ENTHD1: variants seen among roughly 807,000 people sequenced by gnomAD.
The protein encoded by ENTHD1 is ENTH domain-containing protein 1.
Under a neutral mutation model 39.1 loss-of-function variants are expected in ENTHD1, and 23 were observed. The ratio of observed to expected loss-of-function variants is 0.59; its 90% CI spans 0.42 to 0.83. The LOEUF (loss-of-function observed/expected upper bound fraction) is 0.83, where lower values mean the gene tolerates loss of function less well. ENTHD1 is among the 40% of genes least tolerant of loss of function. ENTHD1 has a pLI of 0.00. For missense variants in ENTHD1, 624 were observed against 705.4 expected, an observed-to-expected ratio of 0.88 and a Z score of 1.31; for synonymous variants, 230 against 258.2, an observed-to-expected ratio of 0.89 and a Z score of 1.05.
At chr22:39,824,759 T>C (rs1364528564) in intron 4 of ENTHD1, among the ~76,000 whole-genome samples, 1 of 152,206 alleles carries the variant, frequency 6.6e-6, no homozygotes, top group Non-Finnish European at 1.5e-5. Context: ...CTCTATTCTG[T>C]TCCACCGATC....
At chr22:39,881,431 G>A (rs531702196) in intron 2 of ENTHD1, among the ~76,000 whole-genome samples, 39 of 152,288 alleles carry the variant, frequency 2.6e-4, no homozygotes, top group African/African-American at 7.0e-4. Flanking sequence ...GGAAAAATGC[G>A]TTGAGAAATT....
intron 5 of ENTHD1, among the ~76,000 whole-genome samples, chr22:39,809,295 G>C (rs549926003): frequency 1.3e-5 from 2 of 152,244 alleles, no homozygotes; most frequent in East Asian, 1.9e-4. Flanking sequence ...GGGACTCCTG[G>C]GTCACACTAC....
intron 6 of ENTHD1, among the ~76,000 whole-genome samples, 199 bp downstream of exon 6, chr22:39,765,024 T>C (rs2065263471): frequency 6.6e-6 from 1 of 152,136 alleles, no homozygotes; most frequent in Non-Finnish European, 1.5e-5. Context: ...AATTATCTAT[T>C]AGCCCTTTAA....
At chr22:39,883,018 A>G (rs2066351824) in intron 2 of ENTHD1, among the ~76,000 whole-genome samples, 1 of 151,312 alleles carries the variant, frequency 6.6e-6, no homozygotes, top group Non-Finnish European at 1.5e-5. Context: ...AAAAAAAAAA[A>G]AAAAAAGAAA....
In ENTHD1 at chr22:39,769,772, C is replaced by T. The variant is rs1386693457; in HGVS notation, c.833-4163G>A. Among the ~76,000 whole-genome samples the T allele has an allele frequency of 3.3e-5, 5 of 152,218 alleles. No individual in the cohort carries two copies. In the East Asian group the frequency reaches 5.8e-4, roughly 18 times the overall value. On this transcript the variant is annotated intron_variant, in intron 5 of 6. Coordinates refer to ENST00000325157, the MANE Select transcript of ENTHD1 (RefSeq NM_152512.4). ...AAATGACAGAAGTGGAATAAAAAGG[C>T]ACCAACCAGAGGGGAAATAGAACAG...
At chr22:39,827,069 G>A (rs2065832817) in intron 4 of ENTHD1, among the ~76,000 whole-genome samples, 2 of 149,548 alleles carry the variant, frequency 1.3e-5, no homozygotes, top group Non-Finnish European at 3.0e-5. Context: ...AGGCTGGAGT[G>A]CAGTGGCGCG....
chr22:39,780,359 A>T (rs1455028253), intron 5 of ENTHD1, among the ~76,000 whole-genome samples: 1 of 148,386 alleles, frequency 6.7e-6, no homozygotes, highest in African/African-American at 2.5e-5. Context: ...CCTGGGTGAC[A>T]GAGCAAGACT....
chr22:39,785,921 G>A (rs541938945), intron 5 of ENTHD1, among the ~76,000 whole-genome samples: 47 of 152,160 alleles, frequency 3.1e-4, no homozygotes, highest in South Asian at 2.5e-3. Context: ...CTCTCTGCTC[G>A]TCTCAAGTAC....
chr22:39,815,543 G>C (rs1054583261), intron 5 of ENTHD1, among the ~76,000 whole-genome samples: 4 of 152,060 alleles, frequency 2.6e-5, no homozygotes, highest in Non-Finnish European at 4.4e-5. Flanking sequence ...TGCAGCAACT[G>C]CAACTAGAAC....
rs1317856099 is a variant in ENTHD1 at position 39,856,774 on chromosome 22, G to A, written c.592+4991C>T. 2.0e-5 allele frequency among the ~76,000 whole-genome samples: 3 copies of A among 150,624 alleles called. No individual in the cohort carries two copies. The Admixed American group carries it at 2.0e-4, about 10-fold the overall frequency. On this transcript the variant is annotated intron_variant, in intron 3 of 6. Transcript: ENST00000325157. ...AGGCTAAGCCAGGAGGATTACTTGA[G>A]TCCAGTAGTTCAAGGCTGCAGTGAG...
intron 5 of ENTHD1, among the ~76,000 whole-genome samples, chr22:39,815,357 C>G (rs1000258677): frequency 6.6e-6 from 1 of 151,560 alleles, no homozygotes; most frequent in African/African-American, 2.4e-5. Context: ...GCAGGAGAAT[C>G]GCTTGAATCT....
chr22:39,755,208 G>C (rs557526321), intron 6 of ENTHD1, among the ~76,000 whole-genome samples: 8 of 152,238 alleles, frequency 5.3e-5, no homozygotes, highest in African/African-American at 1.9e-4. Context: ...GTGTGATGAG[G>C]ATAATTATAG....
intron 1 of ENTHD1, among the ~76,000 whole-genome samples, chr22:39,891,189 A>G (rs777043986): frequency 1.3e-5 from 2 of 152,192 alleles, no homozygotes; most frequent in African/African-American, 4.8e-5. Flanking sequence ...CGACCTCACT[A>G]ACTACTTAGG....
chr22:39,765,402 A>T lies in ENTHD1; in HGVS notation c.1040T>A (p.Leu347Ter). ...SSKEEFISPD[L>*]RVSKSDSTFH... ...AGTAGAATCTGACTTTGATACCCTT[A>T]AGTCGGGGCTGATAAACTCCTCTTT... Residue 347 changes from leucine (L) to a stop codon, truncating the protein, a stop_gained, in exon 6 of 7, where the codon TTA becomes TAA. Transcript: ENST00000325157. LOFTEE classifies it high-confidence loss of function. 1 of 1,614,018 alleles carries T rather than the reference A, an allele frequency of 6.2e-7. No individual in the cohort carries two copies. The highest frequency in any genetic ancestry group is 8.5e-7 in the Non-Finnish European group (1 of 1,179,968).
At chr22:39,824,795 C>T (rs529919286) in intron 4 of ENTHD1, among the ~76,000 whole-genome samples, 23 of 152,258 alleles carry the variant, frequency 1.5e-4, no homozygotes, top group African/African-American at 5.1e-4. Flanking sequence ...CCACCAATAC[C>T]GCACTCTCTT....
At chr22:39,868,690 T>C (rs2146738542) in intron 2 of ENTHD1, among the ~76,000 whole-genome samples, 1 of 152,284 alleles carries the variant, frequency 6.6e-6, no homozygotes, top group African/African-American at 2.4e-5. Flanking sequence ...AGAGACAGCC[T>C]ATAGAATGGG....
At chr22:39,824,241 G>A (rs1255691296) in intron 4 of ENTHD1, among the ~76,000 whole-genome samples, 4 of 106,604 alleles carry the variant, frequency 3.8e-5, no homozygotes, top group South Asian at 3.2e-4. Context: ...ACAGAGTCTC[G>A]CCTTGTCACC....
chr22:39,789,836 C>T (rs1289994305), intron 5 of ENTHD1, among the ~76,000 whole-genome samples: 2 of 151,894 alleles, frequency 1.3e-5, no homozygotes, highest in Non-Finnish European at 2.9e-5. Flanking sequence ...AATGAGCAGG[C>T]TGGTGGGGAA....
At chr22:39,769,908 T>G (rs2065308443) in intron 5 of ENTHD1, among the ~76,000 whole-genome samples, 1 of 152,156 alleles carries the variant, frequency 6.6e-6, no homozygotes, top group South Asian at 2.1e-4. Flanking sequence ...GCCAATGTGA[T>G]GGAAACTGAT....
Sources: gnomAD v4.1 joint callset for allele counts (sites outside exome capture counted in the v4.1 genomes callset) on GRCh38, gnomAD v4.1.1 for gene constraint, MANE v1.5 for transcripts, NCBI Gene and HGNC (gene_info 2026-07-23, HGNC 2026-07-21) for gene names.